THAP6: variants seen among roughly 807,000 people sequenced by gnomAD.
THAP6 encodes the protein THAP domain containing 6.
A neutral mutation model predicts 20.0 loss-of-function variants in THAP6; 13 were observed. The ratio of observed to expected loss-of-function variants is 0.65; its 90% CI spans 0.42 to 1.03. THAP6 has a LOEUF of 1.03. Among genes scored for constraint, THAP6 ranks in the 50% least tolerant of loss-of-function variants. THAP6 has a pLI of 0.00. For synonymous variants in THAP6, 93 were observed against 92.2 expected (o/e 1.01, Z -0.05); for missense variants, 262 against 261.6 (o/e 1.00, Z -0.01).
chr4:75,528,982 G>A lies in THAP6; in HGVS notation c.*1768G>A, dbSNP rs947801487. 32 of 498,800 alleles carry A rather than the reference G, an allele frequency of 6.4e-5. No individual in the cohort carries two copies. The highest frequency in any genetic ancestry group is 5.9e-4 in the African/African-American group (28 of 47,570). The allele number at this position is 498,800 out of a possible 1,614,324, so 30.9% of individuals were successfully genotyped here. ...GCAGGAGAATTGCTTGAACCCGGGA[G>A]GCGGAGATTGCAGTGAGCCAAGATC... On this transcript the variant is annotated 3_prime_UTR_variant, in exon 5 of 5. Coordinates refer to ENST00000311638, the MANE Select transcript of THAP6 (RefSeq NM_144721.6).
chr4:75,529,156 G>A lies in THAP6; in HGVS notation c.*1942G>A. 1.0e-6 allele frequency: 1 copy of A among 983,006 alleles called. No individual in the cohort carries two copies. The highest frequency in any genetic ancestry group is 1.2e-6 in the Non-Finnish European group (1 of 827,822). The allele number at this position is 983,006 out of a possible 1,614,324, so 60.9% of individuals were successfully genotyped here. A position where few individuals can be genotyped will look rare whatever the true frequency, so the allele number is the denominator to read the frequency against. ...AATGGAAAGTTTGGGTATGATCTTAGGTTTTATGGAGATGTTTTCAATAGA... is the reference window on the plus strand; with the variant it reads ...AATGGAAAGTTTGGGTATGATCTTAAGTTTTATGGAGATGTTTTCAATAGA... On this transcript the variant is annotated 3_prime_UTR_variant, in exon 5 of 5. Coordinates refer to ENST00000311638, the MANE Select transcript of THAP6 (RefSeq NM_144721.6).
Position 75,529,300 on chromosome 4 carries a change from A to G in THAP6, c.*2086A>G. On this transcript the variant is annotated 3_prime_UTR_variant, in exon 5 of 5. Transcript: ENST00000311638. The stretch of plus-strand genomic sequence containing the variant: ...TTCTAGCACTCTACTGGCTGCTTAG[A>G]ATACACCAAACCTGGAAGACCTTTC... The G allele has an allele frequency of 1.0e-6, 1 of 985,422 alleles. No individual in the cohort carries two copies. The highest frequency in any genetic ancestry group is 1.2e-6 in the Non-Finnish European group (1 of 829,940). The allele number at this position is 985,422 out of a possible 1,614,324, so 61.0% of individuals were successfully genotyped here. A position where few individuals can be genotyped will look rare whatever the true frequency, so the allele number is the denominator to read the frequency against.
chr4:75,526,398 T>A (rs1376143407), intron 4 of THAP6, among the ~76,000 whole-genome samples: 1 of 152,192 alleles, frequency 6.6e-6, no homozygotes, highest in Non-Finnish European at 1.5e-5. Flanking sequence ...AGTGTTATTT[T>A]CCCTATTCTC....
chr4:75,520,287 C>A (rs1372578869), intron 3 of THAP6, among the ~76,000 whole-genome samples: 1 of 152,064 alleles, frequency 6.6e-6, no homozygotes, highest in Non-Finnish European at 1.5e-5. Flanking sequence ...GTTGCCGGGG[C>A]ACATCTTTTG....
intron 2 of THAP6, among the ~76,000 whole-genome samples, chr4:75,516,167 A>G (rs1040930495): frequency 6.6e-6 from 1 of 152,254 alleles, no homozygotes; most frequent in Non-Finnish European, 1.5e-5. Flanking sequence ...AAAACTGAGC[A>G]TATATATCCT....
chr4:75,522,819 C>T (rs1726116233), intron 4 of THAP6, among the ~76,000 whole-genome samples: 1 of 152,074 alleles, frequency 6.6e-6, no homozygotes. Flanking sequence ...TTAAGCACCA[C>T]ATTTTCTTTA....
chr4:75,521,706 TTGA>T, intron 3 of THAP6, 27 bp from the exon 4 acceptor site: 1 of 1,489,358 alleles, frequency 6.7e-7, no homozygotes, highest in East Asian at 2.4e-5. Flanking sequence ...AGTATCTCAC[TTGA>T]TGATTATTAT....
Position 75,527,793 on chromosome 4 carries a change from C to T in THAP6, c.*579C>T, listed in dbSNP as rs995127030. 1 of 985,788 alleles carries T rather than the reference C, an allele frequency of 1.0e-6. No homozygotes were observed. The highest frequency in any genetic ancestry group is 1.7e-5 in the African/African-American group (1 of 57,172). The allele number at this position is 985,788 out of a possible 1,614,324, so 61.1% of individuals were successfully genotyped here. On this transcript the variant is annotated 3_prime_UTR_variant, in exon 5 of 5. Coordinates refer to ENST00000311638, the MANE Select transcript of THAP6 (RefSeq NM_144721.6). ...ATCTGTGGGCTTTTAAAATTGTTCA[C>T]AGCCAATTTAAGAAGACCCCTCATG...
At chr4:75,524,729 T>C (rs1409143051) in intron 4 of THAP6, among the ~76,000 whole-genome samples, 1 of 152,104 alleles carries the variant, frequency 6.6e-6, no homozygotes, top group Non-Finnish European at 1.5e-5. Context: ...TTTCTTTGCT[T>C]TTAAGAATTT....
At chr4:75,537,329 A>G (rs1726888601) in intron 2 of THAP6, among the ~76,000 whole-genome samples, 2 of 152,198 alleles carry the variant, frequency 1.3e-5, no homozygotes, top group South Asian at 2.1e-4. Context: ...TTGTACTCCC[A>G]TAATTCCCAT....
intron 2 of THAP6, among the ~76,000 whole-genome samples, chr4:75,536,937 A>G (rs982425267): frequency 1.3e-5 from 2 of 152,218 alleles, no homozygotes; most frequent in Non-Finnish European, 2.9e-5. Flanking sequence ...GACAAAATCG[A>G]TTTCAGAGCA....
At chr4:75,530,852 A>G (rs1339001862), downstream of THAP6, among the ~76,000 whole-genome samples, 3 of 152,150 alleles carry the variant, frequency 2.0e-5, no homozygotes, top group Non-Finnish European at 4.4e-5. Context: ...CCTTAGTCCA[A>G]CTGTCATCTT....
intron 2 of THAP6, 56 bp downstream of exon 2, chr4:75,515,588 G>A (rs938927877): frequency 1.3e-6 from 2 of 1,565,490 alleles, no homozygotes; most frequent in African/African-American, 2.7e-5. Flanking sequence ...AAAAGCAAAA[G>A]ACAGTTCTAC....
chr4:75,527,545 A>T lies in THAP6; in HGVS notation c.*331A>T. On this transcript the variant is annotated 3_prime_UTR_variant, in exon 5 of 5. Coordinates refer to ENST00000311638, the MANE Select transcript of THAP6 (RefSeq NM_144721.6). ...TAAGCTATAGTAGAAGGAATTGGAC[A>T]CTTCTCCAGATATTTGGCTTCAAAG... The T allele has an allele frequency of 6.5e-6, 7 of 1,071,006 alleles. No individual in the cohort carries two copies. Among genetic ancestry groups the T allele is most frequent in the Non-Finnish European group, 6.8e-6 (6 of 882,924 alleles). 66.3% of individuals were successfully genotyped at this position (1,071,006 alleles called of 1,614,324 possible). A position where few individuals can be genotyped will look rare whatever the true frequency, so the allele number is the denominator to read the frequency against.
At chr4:75,526,866 G>T (rs143552221) in intron 4 of THAP6, 94 bp from the exon 5 acceptor site, 2 of 1,496,258 alleles carry the variant, frequency 1.3e-6, no homozygotes, top group Non-Finnish European at 1.8e-6. Context: ...TGTTCTCCAG[G>T]CATTGTAAAT....
At position 75,516,867 on chromosome 4, in the gene THAP6, A is replaced by T; in HGVS notation, c.176A>T (p.Asp59Val). The stretch of plus-strand genomic sequence containing the variant: ...GGCATTTGGGAGCCTAAAAAAGGAG[A>T]TGTGTTGTGTTCGAGGCACTTTAAG... ...AAGIWEPKKG[D>V]VLCSRHFKKT... Residue 59 changes from aspartate to valine, a missense_variant, in exon 3 of 5, where the codon GAT (aspartate) becomes GTT (valine). Coordinates refer to ENST00000311638, the MANE Select transcript of THAP6 (RefSeq NM_144721.6). 1 of 1,614,026 alleles carries T rather than the reference A, an allele frequency of 6.2e-7. No individual in the cohort carries two copies. The highest frequency in any genetic ancestry group is 8.5e-7 in the Non-Finnish European group (1 of 1,180,012).
intron 2 of THAP6, chr4:75,540,109 T>G: frequency 1.0e-6 from 1 of 969,620 alleles, no homozygotes; most frequent in South Asian, 1.8e-5. Flanking sequence ...TAATCTATCT[T>G]AGATATGTTT....
intron 2 of THAP6, 71 bp downstream of exon 2, chr4:75,515,603 G>C: frequency 1.3e-6 from 2 of 1,510,354 alleles, no homozygotes; most frequent in Non-Finnish European, 9.2e-7. Flanking sequence ...TTCTACTTAA[G>C]TCTTCAATTT....
At chr4:75,543,640 G>A (rs1296958611) in intron 3 of THAP6, among the ~76,000 whole-genome samples, 7 of 152,182 alleles carry the variant, frequency 4.6e-5, no homozygotes, top group Admixed American at 1.3e-4. Context: ...GATTACAGCC[G>A]ATTCCTGGAA....
Sources: allele counts gnomAD v4.1 joint callset (sites outside exome capture counted in the v4.1 genomes callset), GRCh38; gene constraint gnomAD v4.1.1; transcripts MANE v1.5; gene names NCBI Gene and HGNC (gene_info 2026-07-23, HGNC 2026-07-21).